The following FOXP2 variants were observed in gnomAD, a reference collection of about 807,000 sequenced individuals.
FOXP2 encodes forkhead box protein P2.
Under a neutral mutation model 115.8 loss-of-function variants are expected in FOXP2, and 12 were observed. The observed-to-expected ratio is 0.10, with a 90% CI of 0.07 to 0.17. FOXP2 has a LOEUF of 0.17. Ranked by LOEUF, FOXP2 falls within the 10% of genes least tolerant of loss-of-function variation. FOXP2 has a pLI of 1.00. For missense variants in FOXP2, 629 were observed against 843.5 expected (o/e 0.75, Z 3.15); for synonymous variants, 328 against 297.7 (o/e 1.10, Z -1.05).
chr7:114,120,087 G>A (rs1791516603), intron 1 of FOXP2, among the ~76,000 whole-genome samples: 2 of 152,138 alleles, frequency 1.3e-5, no homozygotes, highest in Admixed American at 6.6e-5. Flanking sequence ...CTTGAGGATA[G>A]TAATAGATAG....
chr7:114,232,948 T>C (rs1232497514), intron 1 of FOXP2, among the ~76,000 whole-genome samples: 2 of 152,298 alleles, frequency 1.3e-5, no homozygotes, highest in African/African-American at 4.8e-5. Flanking sequence ...TCCTCTTATA[T>C]GAGGTATCTA....
intron 7 of FOXP2, among the ~76,000 whole-genome samples, 182 bp downstream of exon 7, chr7:114,642,805 TATATATA>T (rs1335140820): frequency 7.6e-4 from 23 of 30,078 alleles, no homozygotes; most frequent in Middle Eastern, 0.017. Flanking sequence ...TATATATATA[TATATATA>T]TTTTTTTTTT....
At chr7:114,105,899 C>G (rs760015604) in intron 1 of FOXP2, among the ~76,000 whole-genome samples, 6 of 152,046 alleles carry the variant, frequency 3.9e-5, no homozygotes, top group Non-Finnish European at 7.4e-5. Flanking sequence ...AGTGCTCTTT[C>G]CTCTGTATAT....
intron 2 of FOXP2, among the ~76,000 whole-genome samples, chr7:114,432,771 G>A (rs1794171406): frequency 6.6e-6 from 1 of 151,744 alleles, no homozygotes; most frequent in African/African-American, 2.4e-5. Flanking sequence ...GTGTACACTT[G>A]GCCTGACATA....
At chr7:114,377,177 T>G (rs1792161920) in intron 2 of FOXP2, among the ~76,000 whole-genome samples, 1 of 152,164 alleles carries the variant, frequency 6.6e-6, no homozygotes, top group African/African-American at 2.4e-5. Flanking sequence ...GACATTACTG[T>G]GCGATTTCTA....
chr7:114,129,341 C>T (rs751739591), intron 1 of FOXP2, among the ~76,000 whole-genome samples: 2 of 152,036 alleles, frequency 1.3e-5, no homozygotes, highest in Non-Finnish European at 2.9e-5. Context: ...TTTGTTGAGA[C>T]CTGGAAACAC....
chr7:114,668,599 A>G (rs1370444525), intron 16 of FOXP2: 1 of 152,086 alleles, frequency 6.6e-6, no homozygotes, highest in Admixed American at 6.5e-5. Context: ...ACTTCTAAAG[A>G]GCTTGCTTCT....
rs1207346083 is a variant in FOXP2 at position 114,415,378 on chromosome 7, A to C, written c.-11+18A>C. 6.8e-6 allele frequency: 3 copies of C among 441,964 alleles called. No homozygotes were observed. Among genetic ancestry groups the C allele is most frequent in the Non-Finnish European group, 4.5e-6 (1 of 222,432 alleles). 27.4% of individuals were successfully genotyped at this position (441,964 alleles called of 1,614,324 possible). A position where few individuals can be genotyped will look rare whatever the true frequency, so the allele number is the denominator to read the frequency against. Reference sequence around the variant, plus strand: ...CAGAGAAGGTACGTTACTTTTTGCTAAGAGAATATCTGTAAGAGTTTAGAG... The same window carrying C: ...CAGAGAAGGTACGTTACTTTTTGCTCAGAGAATATCTGTAAGAGTTTAGAG... On this transcript the variant is annotated intron_variant, in intron 1 of 16. Coordinates refer to ENST00000350908, the MANE Select transcript of FOXP2 (RefSeq NM_014491.4).
At chr7:114,427,922 G>A (rs1793934050) in intron 2 of FOXP2, among the ~76,000 whole-genome samples, 1 of 151,580 alleles carries the variant, frequency 6.6e-6, no homozygotes, top group South Asian at 2.1e-4. Flanking sequence ...CAGACAATAA[G>A]TATTAGAAAA....
intron 2 of FOXP2, among the ~76,000 whole-genome samples, chr7:114,325,562 A>T (rs375427863): frequency 2.4e-4 from 37 of 152,056 alleles, no homozygotes; most frequent in African/African-American, 8.4e-4. Context: ...GTAAACATTA[A>T]ATTTATCTGT....
At chr7:114,676,725 G>A (rs1455587013) in intron 16 of FOXP2, among the ~76,000 whole-genome samples, 1 of 152,128 alleles carries the variant, frequency 6.6e-6, no homozygotes, top group Non-Finnish European at 1.5e-5. Flanking sequence ...GAATGTATTG[G>A]ATATTTTCTC....
intron 1 of FOXP2, among the ~76,000 whole-genome samples, chr7:114,276,945 A>G (rs544533282): frequency 3.5e-4 from 54 of 152,292 alleles, no homozygotes; most frequent in African/African-American, 1.3e-3. Flanking sequence ...TAATAATACT[A>G]TGGAAGTTTT....
chr7:114,126,190 G>T (rs1402035576), intron 1 of FOXP2, among the ~76,000 whole-genome samples: 1 of 142,838 alleles, frequency 7.0e-6, no homozygotes, highest in Non-Finnish European at 1.5e-5. Context: ...TCTAATTTGG[G>T]CTTCAGGAAA....
chr7:114,665,931 C>T (rs903957716), intron 16 of FOXP2: 1 of 151,894 alleles, frequency 6.6e-6, no homozygotes, highest in African/African-American at 2.4e-5. Flanking sequence ...TATTTCAGAA[C>T]CTGAAATAAT....
chr7:114,233,869 C>T (rs1298629692), intron 1 of FOXP2, among the ~76,000 whole-genome samples: 1 of 152,034 alleles, frequency 6.6e-6, no homozygotes, highest in Admixed American at 6.6e-5. Context: ...AAAAATTAAC[C>T]GTGAATGGTG....
intron 1 of FOXP2, among the ~76,000 whole-genome samples, chr7:114,224,129 C>T (rs1043251105): frequency 1.3e-5 from 2 of 152,050 alleles, no homozygotes; most frequent in Non-Finnish European, 2.9e-5. Flanking sequence ...TTATATCTGG[C>T]CTTGTTTCTG....
At chr7:114,353,639 A>G (rs1050461901) in intron 2 of FOXP2, among the ~76,000 whole-genome samples, 2 of 152,122 alleles carry the variant, frequency 1.3e-5, no homozygotes, top group African/African-American at 2.4e-5. Flanking sequence ...TATGGGCCTC[A>G]TAAGTATCAT....
At chr7:114,648,899 G>C (rs1192062805) in intron 8 of FOXP2, among the ~76,000 whole-genome samples, 1 of 152,016 alleles carries the variant, frequency 6.6e-6, no homozygotes, top group Non-Finnish European at 1.5e-5. Context: ...TCACCTCTCT[G>C]TTTGAACTGC....
At chr7:114,196,380 A>C (rs1652234011) in intron 1 of FOXP2, among the ~76,000 whole-genome samples, 1 of 152,190 alleles carries the variant, frequency 6.6e-6, no homozygotes, top group South Asian at 2.1e-4. Flanking sequence ...AATTAAATAC[A>C]ATTTCTTTGC....
Sources: gnomAD v4.1 joint callset for allele counts (sites outside exome capture counted in the v4.1 genomes callset) on GRCh38, gnomAD v4.1.1 for gene constraint, MANE v1.5 for transcripts, NCBI Gene and HGNC (gene_info 2026-07-23, HGNC 2026-07-21) for gene names.